The following CD109 variants were observed in gnomAD, a reference collection of about 807,000 sequenced individuals.
CD109 encodes the protein CD109 antigen.
Under a neutral mutation model 165.8 loss-of-function variants are expected in CD109, and 149 were observed. The ratio of observed to expected loss-of-function variants is 0.90; its 90% confidence interval spans 0.79 to 1.03. The LOEUF is 1.03. CD109 is among the 50% of genes least tolerant of loss of function. The pLI is 0.00. For synonymous variants in CD109, 585 were observed against 592.1 expected (o/e 0.99, Z 0.18); for missense variants, 1,712 against 1,677.8 (o/e 1.02, Z -0.36).
At chr6:73,698,958 A>G (rs1272549618) in intron 2 of CD109, among the ~76,000 whole-genome samples, 3 of 152,216 alleles carry the variant, frequency 2.0e-5, no homozygotes, top group South Asian at 2.1e-4. Flanking sequence ...TAAAATCTGT[A>G]TATAGTACCT....
At chr6:73,728,338 T>A (rs775271463) in intron 3 of CD109, among the ~76,000 whole-genome samples, 11 of 151,980 alleles carry the variant, frequency 7.2e-5, no homozygotes, top group Non-Finnish European at 1.3e-4. Flanking sequence ...ACAAAACACT[T>A]CTTTATTGAA....
At chr6:73,738,959 A>G (rs1772647848) in intron 5 of CD109, among the ~76,000 whole-genome samples, 1 of 152,148 alleles carries the variant, frequency 6.6e-6, no homozygotes, top group African/African-American at 2.4e-5. Context: ...TAATTCATTC[A>G]TCTCACTTTT....
At chr6:73,749,743 G>A (rs759137417) in intron 5 of CD109, among the ~76,000 whole-genome samples, 2 of 152,176 alleles carry the variant, frequency 1.3e-5, no homozygotes, top group African/African-American at 2.4e-5. Flanking sequence ...AGTAATGCAT[G>A]AGTAAGGTAA....
intron 2 of CD109, among the ~76,000 whole-genome samples, chr6:73,697,826 T>A (rs1222144367): frequency 6.6e-6 from 1 of 152,102 alleles, no homozygotes; most frequent in East Asian, 1.9e-4. Flanking sequence ...CAGGGGAAGA[T>A]CATGGAGTTT....
Position 73,696,266 on chromosome 6 carries a change from C to T in CD109, c.51C>T (p.Thr17=), listed in dbSNP as rs755443358. The T allele has an allele frequency of 1.3e-6, 2 of 1,531,602 alleles. No homozygotes were observed. The highest frequency in any genetic ancestry group is 1.2e-5 in the South Asian group (1 of 83,588). 94.9% of individuals were successfully genotyped at this position (1,531,602 alleles called of 1,614,324 possible). A position where few individuals can be genotyped will look rare whatever the true frequency, so the allele number is the denominator to read the frequency against. Residue 17 remains threonine, a synonymous_variant, in exon 1 of 33, where the codon ACC becomes ACT. Transcript: ENST00000287097. ...LTAAHLLCVC[T]AALAVAPGPR... The stretch of plus-strand genomic sequence containing the variant: ...CCGCCCACCTCCTCTGCGTGTGCAC[C>T]GCCGCGCTGGCCGTGGCTCCCGGGT...
chr6:73,708,660 G>A (rs1355762970), intron 2 of CD109, among the ~76,000 whole-genome samples: 1 of 152,154 alleles, frequency 6.6e-6, no homozygotes, highest in Non-Finnish European at 1.5e-5. Flanking sequence ...TCCAGTACCT[G>A]TTGTTTCCTG....
rs984095446 is a variant in CD109 at position 73,728,527 on chromosome 6, A to G, written c.277-1817A>G. 3.9e-5 allele frequency among the ~76,000 whole-genome samples: 6 copies of G among 152,322 alleles called. No individual in the cohort carries two copies. In the East Asian group the frequency reaches 9.6e-4, roughly 24 times the overall value. ...TTTTACTATACTTGCTCTATCATAC[A>G]TCTATCCATCTACCCATCTTTCTAT... On this transcript the variant is annotated intron_variant, in intron 3 of 32. Coordinates refer to ENST00000287097, the MANE Select transcript of CD109 (RefSeq NM_133493.5).
At chr6:73,725,687 A>G (rs960067180) in intron 3 of CD109, among the ~76,000 whole-genome samples, 30 of 150,604 alleles carry the variant, frequency 2.0e-4, no homozygotes, top group African/African-American at 6.3e-4. Context: ...TTTTTTTTGT[A>G]TTTTTAGTAG....
rs754329286 is a variant in CD109, at chr6:73,823,733, GTTTT to G, written c.*105_*108del. On this transcript the variant is annotated 3_prime_UTR_variant, in exon 33 of 33. Transcript: ENST00000287097. ...ATACTGCTTCTATTTTGAAAAAAGA[GTTTT>G]TTTTCTTTCTATGGGGTTGCAGGGA... The G allele has an allele frequency of 5.8e-4, 685 of 1,180,688 alleles. 4 individuals carry two copies. The highest frequency in any genetic ancestry group is 4.7e-4 in the Admixed American group (21 of 44,260). The allele number at this position is 1,180,688 out of a possible 1,614,324, so 73.1% of individuals were successfully genotyped here. A position where few individuals can be genotyped will look rare whatever the true frequency, so the allele number is the denominator to read the frequency against.
chr6:73,811,430 A>G (rs74577312), intron 28 of CD109, among the ~76,000 whole-genome samples: 2,385 of 152,226 alleles, frequency 0.016, 68 homozygotes, highest in African/African-American at 0.052. Context: ...GCACTGTGCT[A>G]GATTACTTTA....
intron 3 of CD109, among the ~76,000 whole-genome samples, chr6:73,725,910 G>A (rs572652346): frequency 2.0e-5 from 3 of 152,248 alleles, no homozygotes; most frequent in East Asian, 1.9e-4. Context: ...TATAAATATA[G>A]CTATTATCTA....
chr6:73,783,120 T>C (rs1462512712), intron 18 of CD109, among the ~76,000 whole-genome samples: 1 of 152,182 alleles, frequency 6.6e-6, no homozygotes, highest in Non-Finnish European at 1.5e-5. Flanking sequence ...CTGGCAGTGC[T>C]GCTAACTGAA....
chr6:73,700,790 GTTTTTT>G (rs58140668), intron 2 of CD109, among the ~76,000 whole-genome samples: 5 of 51,448 alleles, frequency 9.7e-5, no homozygotes, highest in Non-Finnish European at 1.8e-4. Context: ...ATTGATTGTA[GTTTTTT>G]TTTTTTTTTT....
intron 17 of CD109, among the ~76,000 whole-genome samples, chr6:73,781,831 ACACAC>A (rs1163856026): frequency 8.0e-6 from 1 of 125,610 alleles, no homozygotes; most frequent in African/African-American, 3.2e-5. Context: ...ACACACACAC[ACACAC>A]CCCTCATCAA....
Position 73,796,696 on chromosome 6 carries a change from T to A in CD109, c.2878+3894T>A, listed in dbSNP as rs1426765356. Among the ~76,000 whole-genome samples, 4 of 152,276 alleles carry A rather than the reference T, an allele frequency of 2.6e-5. No homozygotes were observed. In the East Asian group the frequency reaches 7.7e-4, roughly 29 times the overall value. On this transcript the variant is annotated intron_variant, in intron 23 of 32. Coordinates refer to ENST00000287097, the MANE Select transcript of CD109 (RefSeq NM_133493.5). The stretch of plus-strand genomic sequence containing the variant: ...TTTTTGGACTTTAGGTCCATCATCC[T>A]AATGTGGATATTGGGTCCAGAAGAT...
At chr6:73,712,750 G>C (rs992220830) in intron 2 of CD109, among the ~76,000 whole-genome samples, 1 of 152,188 alleles carries the variant, frequency 6.6e-6, no homozygotes, top group Non-Finnish European at 1.5e-5. Flanking sequence ...GGTTTCTTCT[G>C]AGTTGCTTAA....
chr6:73,694,354 C>A (rs1770751220), upstream of CD109: 1 of 152,170 alleles, frequency 6.6e-6, no homozygotes, highest in Admixed American at 6.5e-5. Flanking sequence ...CGCCTTTCGA[C>A]AAGTGTGTAT....
At chr6:73,799,943 A>G (rs1002027617) in intron 23 of CD109, among the ~76,000 whole-genome samples, 2 of 148,682 alleles carry the variant, frequency 1.3e-5, no homozygotes, top group African/African-American at 5.0e-5. Context: ...TGCAGCCTTG[A>G]CTTACTGGGC....
rs1232832890 is a variant in CD109, at chr6:73,723,263, CACTT to C, written c.264_267del (p.Thr89PhefsTer6). Reference sequence around the variant, plus strand: ...GTTTTCCTTGTAGGCTCTTTTAAGACACTTACTCTTCCATCAGTAAGTATCCATT... The same window carrying C: ...GTTTTCCTTGTAGGCTCTTTTAAGACACTCTTCCATCAGTAAGTATCCATT... On this transcript the variant is annotated frameshift_variant, in exon 3 of 33. Transcript: ENST00000287097. LOFTEE classifies it high-confidence loss of function. 9 of 1,612,460 alleles carry C rather than the reference CACTT, an allele frequency of 5.6e-6. No individual in the cohort carries two copies. The highest frequency in any genetic ancestry group is 1.3e-5 in the African/African-American group (1 of 74,866).
Sources: gnomAD v4.1 joint callset for allele counts (sites outside exome capture counted in the v4.1 genomes callset) on GRCh38, gnomAD v4.1.1 for gene constraint, MANE v1.5 for transcripts, NCBI Gene and HGNC (gene_info 2026-07-23, HGNC 2026-07-21) for gene names.